The following LRRC4C variants were observed in gnomAD, a reference collection of about 807,000 sequenced individuals.
The protein encoded by LRRC4C is leucine-rich repeat-containing protein 4C.
Under a neutral mutation model 33.6 loss-of-function variants are expected in LRRC4C, and 5 were observed. That is an observed-to-expected ratio of 0.15 (90% CI 0.08 to 0.31). The LOEUF (loss-of-function observed/expected upper bound fraction) is 0.31. Ranked by LOEUF, LRRC4C falls within the 10% of genes least tolerant of loss-of-function variation. The pLI is 1.00. For missense variants in LRRC4C, 560 were observed against 796.7 expected, an observed-to-expected ratio of 0.70 and a Z score of 3.58; for synonymous variants, 329 against 302.0, an observed-to-expected ratio of 1.09 and a Z score of -0.93.
chr11:41,091,431 C>T (rs897718238), intron 1 of LRRC4C, among the ~76,000 whole-genome samples: 1 of 151,884 alleles, frequency 6.6e-6, no homozygotes, highest in Non-Finnish European at 1.5e-5. Context: ...CCTAATGACA[C>T]CAGCAGACAA....
chr11:41,290,423 CG>C (rs925499174), intron 1 of LRRC4C, among the ~76,000 whole-genome samples: 1 of 152,084 alleles, frequency 6.6e-6, no homozygotes, highest in Non-Finnish European at 1.5e-5. Context: ...GCTACAAATA[CG>C]TGTTGTAGGG....
chr11:40,266,865 C>T (rs1590863196), intron 4 of LRRC4C, among the ~76,000 whole-genome samples: 1 of 152,234 alleles, frequency 6.6e-6, no homozygotes, highest in East Asian at 1.9e-4. Context: ...GTTTCATTGC[C>T]TCACACTGGT....
chr11:41,315,763 A>G (rs1179343317), intron 1 of LRRC4C, among the ~76,000 whole-genome samples: 1 of 152,250 alleles, frequency 6.6e-6, no homozygotes, highest in African/African-American at 2.4e-5. Context: ...AGAAAGAGAT[A>G]GCTGACATGA....
intron 1 of LRRC4C, among the ~76,000 whole-genome samples, chr11:41,043,005 T>G (rs1172539796): frequency 3.9e-5 from 6 of 151,910 alleles, no homozygotes; most frequent in African/African-American, 7.3e-5. Flanking sequence ...GTTTTGTTTT[T>G]TTTTTTCCTT....
At chr11:40,555,177 G>C (rs1234926943) in intron 3 of LRRC4C, among the ~76,000 whole-genome samples, 1 of 152,126 alleles carries the variant, frequency 6.6e-6, no homozygotes, top group Non-Finnish European at 1.5e-5. Flanking sequence ...TTTAGATCTA[G>C]AGCCATATCA....
At chr11:40,132,866 T>C (rs577944788) in intron 6 of LRRC4C, among the ~76,000 whole-genome samples, 16 of 151,948 alleles carry the variant, frequency 1.1e-4, no homozygotes, top group East Asian at 1.9e-4. Flanking sequence ...GTTTGAAAAA[T>C]ATAGGGGAGA....
At chr11:40,818,724 C>G (rs1328164425) in intron 2 of LRRC4C, among the ~76,000 whole-genome samples, 1 of 151,974 alleles carries the variant, frequency 6.6e-6, no homozygotes, top group African/African-American at 2.4e-5. Flanking sequence ...AAAAACCTTA[C>G]ATATCATCAG....
intron 2 of LRRC4C, among the ~76,000 whole-genome samples, chr11:40,731,383 T>C (rs1331943741): frequency 6.6e-6 from 1 of 152,088 alleles, no homozygotes; most frequent in African/African-American, 2.4e-5. Context: ...TTGCTCCTGC[T>C]CTGGCCATGT....
At chr11:40,979,737 C>T (rs190026600) in intron 1 of LRRC4C, among the ~76,000 whole-genome samples, 5 of 152,272 alleles carry the variant, frequency 3.3e-5, no homozygotes, top group South Asian at 2.1e-4. Flanking sequence ...AGAGTAAATG[C>T]TTCTGCCATT....
intron 1 of LRRC4C, among the ~76,000 whole-genome samples, chr11:41,219,621 C>T (rs1044724815): frequency 6.6e-5 from 10 of 152,144 alleles, no homozygotes; most frequent in Non-Finnish European, 1.0e-4. Context: ...TTTTCTCTAG[C>T]AGGACCATCA....
chr11:40,677,308 C>G (rs1204794225), intron 2 of LRRC4C, among the ~76,000 whole-genome samples: 2 of 152,092 alleles, frequency 1.3e-5, no homozygotes, highest in Non-Finnish European at 2.9e-5. Flanking sequence ...ATTGCTTGAA[C>G]CTGGGAGGCG....
chr11:40,123,670 A>T (rs1290960213), intron 6 of LRRC4C, among the ~76,000 whole-genome samples: 1 of 152,136 alleles, frequency 6.6e-6, no homozygotes, highest in African/African-American at 2.4e-5. Context: ...TACACTAAGC[A>T]ATCTACAGAT....
At chr11:40,480,617 C>A in intron 3 of LRRC4C, among the ~76,000 whole-genome samples, 1 of 151,520 alleles carries the variant, frequency 6.6e-6, no homozygotes. Context: ...ACTCCTGAAC[C>A]TAAAATAAAC....
chr11:41,230,427 C>A (rs1056950695), intron 1 of LRRC4C, among the ~76,000 whole-genome samples: 3 of 152,020 alleles, frequency 2.0e-5, no homozygotes, highest in Non-Finnish European at 4.4e-5. Context: ...AGTGGAGAGG[C>A]AAATCCCACT....
intron 1 of LRRC4C, among the ~76,000 whole-genome samples, chr11:41,191,300 G>A (rs1325348873): frequency 6.6e-6 from 1 of 152,146 alleles, no homozygotes; most frequent in East Asian, 1.9e-4. Flanking sequence ...GGAGCCTGCT[G>A]TGGACTCTCT....
At chr11:40,156,652 G>A (rs866333267) in intron 5 of LRRC4C, among the ~76,000 whole-genome samples, 14 of 150,736 alleles carry the variant, frequency 9.3e-5, no homozygotes, top group South Asian at 6.3e-4. Flanking sequence ...AAAAACCCAA[G>A]CAACCAAACA....
chr11:40,827,545 T>A (rs2135518556), intron 2 of LRRC4C, among the ~76,000 whole-genome samples: 1 of 152,004 alleles, frequency 6.6e-6, no homozygotes, highest in African/African-American at 2.4e-5. Flanking sequence ...TGAAACCTAA[T>A]AATATTAAAA....
At chr11:40,724,580 T>C (rs1276144093) in intron 2 of LRRC4C, among the ~76,000 whole-genome samples, 1 of 152,074 alleles carries the variant, frequency 6.6e-6, no homozygotes, top group Non-Finnish European at 1.5e-5. Context: ...AAACACTACA[T>C]ACCAAAATCT....
chr11:40,578,705 T>C (rs1359133605), intron 3 of LRRC4C, among the ~76,000 whole-genome samples: 1 of 152,338 alleles, frequency 6.6e-6, no homozygotes, highest in South Asian at 2.1e-4. Flanking sequence ...TTTTTGAAAG[T>C]GTGTTTAGAG....
Sources: allele counts gnomAD v4.1 joint callset (sites outside exome capture counted in the v4.1 genomes callset), GRCh38; gene constraint gnomAD v4.1.1; transcripts MANE v1.5; gene names NCBI Gene and HGNC (gene_info 2026-07-23, HGNC 2026-07-21).